The following CLIC4 variants were observed in gnomAD, a reference collection of about 807,000 sequenced individuals.
CLIC4 encodes CLIC family member 4.
In CLIC4, 13 loss-of-function variants were observed where a neutral mutation model predicts 24.6. The observed-to-expected ratio is 0.53, with a 90% CI of 0.34 to 0.84. The LOEUF (loss-of-function observed/expected upper bound fraction) is 0.84. Among genes scored for constraint, CLIC4 ranks in the 40% least tolerant of loss-of-function variants. The pLI, the probability that CLIC4 is intolerant of heterozygous loss-of-function variation, is 0.01. For synonymous variants in CLIC4, 104 were observed against 111.3 expected (o/e 0.93, Z 0.41); for missense variants, 227 against 301.7 (o/e 0.75, Z 1.83).
chr1:24,830,123 C>G (rs1399296667), intron 4 of CLIC4, among the ~76,000 whole-genome samples: 1 of 152,090 alleles, frequency 6.6e-6, no homozygotes, highest in Non-Finnish European at 1.5e-5. Flanking sequence ...TTTACTCATT[C>G]AAATCATACA....
intron 1 of CLIC4, among the ~76,000 whole-genome samples, chr1:24,774,219 G>A (rs996453563): frequency 1.3e-5 from 2 of 151,852 alleles, no homozygotes; most frequent in East Asian, 3.9e-4. Context: ...CAGGCAGTCC[G>A]CCTGCCTTGG....
At chr1:24,750,436 C>CTTT (rs368673049) in intron 1 of CLIC4, among the ~76,000 whole-genome samples, 1 of 137,514 alleles carries the variant, frequency 7.3e-6, no homozygotes, top group African/African-American at 2.7e-5. Flanking sequence ...TTCTTTCTTT[C>CTTT]TTTTTTTTTT....
chr1:24,820,311 G>C (rs1396226855), intron 3 of CLIC4, among the ~76,000 whole-genome samples: 5 of 97,214 alleles, frequency 5.1e-5, no homozygotes, highest in Admixed American at 3.5e-4. Context: ...GTCTTGCTCT[G>C]TTGCCCAGGC....
At chr1:24,820,062 AGTATGTATATAT>A (rs1639711290) in intron 3 of CLIC4, among the ~76,000 whole-genome samples, 1 of 24,740 alleles carries the variant, frequency 4.0e-5, no homozygotes, top group African/African-American at 1.2e-4. Context: ...AAAAAAAAAA[AGTATGTATATAT>A]ATATGTATAT....
chr1:24,771,013 C>T (rs903617962), intron 1 of CLIC4, among the ~76,000 whole-genome samples: 1 of 152,122 alleles, frequency 6.6e-6, no homozygotes, highest in Non-Finnish European at 1.5e-5. Context: ...TTTGAAAAGT[C>T]CCCCAAAGCA....
chr1:24,827,887 G>A (rs566764914), intron 4 of CLIC4, among the ~76,000 whole-genome samples: 1 of 152,284 alleles, frequency 6.6e-6, no homozygotes, highest in East Asian at 1.9e-4. Context: ...TCTTCGGGAT[G>A]TTAAGCAGAG....
chr1:24,793,223 T>C (rs1168056577), intron 1 of CLIC4: 1 of 151,402 alleles, frequency 6.6e-6, no homozygotes, highest in African/African-American at 2.4e-5. Flanking sequence ...GGTAGTGTAT[T>C]AACATTTTCT....
chr1:24,812,712 A>G (rs976775037), intron 2 of CLIC4, among the ~76,000 whole-genome samples: 5 of 151,974 alleles, frequency 3.3e-5, no homozygotes, highest in African/African-American at 1.2e-4. Flanking sequence ...TATCTAGTGG[A>G]AAAGTACTAT....
intron 1 of CLIC4, among the ~76,000 whole-genome samples, chr1:24,749,337 A>G (rs901992805): frequency 1.3e-5 from 2 of 152,204 alleles, no homozygotes; most frequent in African/African-American, 4.8e-5. Flanking sequence ...AAAGAAAACT[A>G]TTTACAGTTG....
rs1168304446 is a variant in CLIC4 at position 24,842,315 on chromosome 1, C to G, written c.*1378C>G. 1 of 152,060 alleles carries G rather than the reference C, an allele frequency of 6.6e-6. No individual in the cohort carries two copies. Among genetic ancestry groups the G allele is most frequent in the African/African-American group, 2.4e-5 (1 of 41,388 alleles). 9.4% of individuals were successfully genotyped at this position (152,060 alleles called of 1,614,324 possible). ...AATAAAACTTTGCTATGTATTTACT[C>G]TTTTTTAAAAGACAAAAGCAAAACC... On this transcript the variant is annotated 3_prime_UTR_variant, in exon 6 of 6. Transcript: ENST00000374379.
At chr1:24,818,854 GGAGT>G (rs1639697643) in intron 3 of CLIC4, among the ~76,000 whole-genome samples, 1 of 151,602 alleles carries the variant, frequency 6.6e-6, no homozygotes, top group South Asian at 2.1e-4. Context: ...GTTGAACAAA[GGAGT>G]GACAGGTATT....
intron 2 of CLIC4, among the ~76,000 whole-genome samples, chr1:24,807,998 T>C (rs1639570992): frequency 1.3e-5 from 2 of 151,826 alleles, no homozygotes; most frequent in Non-Finnish European, 2.9e-5. Flanking sequence ...TTGCCCAGGC[T>C]GGAATGCAAT....
chr1:24,761,589 T>C (rs1164564199), intron 1 of CLIC4, among the ~76,000 whole-genome samples: 2 of 152,162 alleles, frequency 1.3e-5, no homozygotes, highest in Non-Finnish European at 2.9e-5. Flanking sequence ...GTCATGTGAA[T>C]TTTGTCCTTA....
chr1:24,790,714 G>A (rs1639324269), intron 1 of CLIC4, among the ~76,000 whole-genome samples: 1 of 152,116 alleles, frequency 6.6e-6, no homozygotes, highest in South Asian at 2.1e-4. Context: ...CCAGGGGCAG[G>A]GGCTTGGCAG....
At chr1:24,827,542 GTTT>G (rs35037847) in intron 4 of CLIC4, among the ~76,000 whole-genome samples, 45 of 95,836 alleles carry the variant, frequency 4.7e-4, no homozygotes, top group East Asian at 6.5e-4. Flanking sequence ...TCAGTCTGAG[GTTT>G]TTTTTTTTTT....
At chr1:24,821,724 G>A (rs1350380478) in intron 3 of CLIC4, among the ~76,000 whole-genome samples, 1 of 151,942 alleles carries the variant, frequency 6.6e-6, no homozygotes, top group Non-Finnish European at 1.5e-5. Flanking sequence ...GCTAATTTTT[G>A]TATTTTTTTT....
At chr1:24,828,026 T>C (rs1375539632) in intron 4 of CLIC4, among the ~76,000 whole-genome samples, 2 of 152,204 alleles carry the variant, frequency 1.3e-5, no homozygotes, top group East Asian at 3.8e-4. Context: ...TGGGATTCTT[T>C]TGAGAAGAAG....
rs957034893 is a variant in CLIC4, at chr1:24,812,138, A to G, written c.183-1956A>G. On this transcript the variant is annotated intron_variant, in intron 2 of 5. Transcript: ENST00000374379. The stretch of plus-strand genomic sequence containing the variant: ...GTCTCTCATCAATTTCTTTTGACCC[A>G]TACCTATTTGATTTTTTTGATGACC... Among the ~76,000 whole-genome samples, 4 of 152,064 alleles carry G rather than the reference A, an allele frequency of 2.6e-5. No homozygotes were observed. The East Asian group carries it at 7.7e-4, about 29-fold the overall frequency.
At chr1:24,751,408 A>G (rs563327488) in intron 1 of CLIC4, among the ~76,000 whole-genome samples, 21 of 151,876 alleles carry the variant, frequency 1.4e-4, no homozygotes, top group Non-Finnish European at 2.1e-4. Flanking sequence ...ATGAGGAGCT[A>G]ATTTGTATTT....
Sources: gnomAD v4.1 joint callset for allele counts (sites outside exome capture counted in the v4.1 genomes callset) on GRCh38, gnomAD v4.1.1 for gene constraint, MANE v1.5 for transcripts, NCBI Gene and HGNC (gene_info 2026-07-23, HGNC 2026-07-21) for gene names.